BRAP: variants seen among roughly 807,000 people sequenced by gnomAD.
BRAP encodes BRCA1 associated protein.
In BRAP, 42 loss-of-function variants were observed where a neutral mutation model predicts 73.4. The observed-to-expected ratio is 0.57, with a 90% CI of 0.45 to 0.74. BRAP has a LOEUF of 0.74. BRAP is among the 30% of genes least tolerant of loss of function. The pLI, the probability that BRAP is intolerant of heterozygous loss-of-function variation, is 0.00. For missense variants in BRAP, 593 were observed against 751.4 expected (o/e 0.79, Z 2.46); for synonymous variants, 255 against 267.4 (o/e 0.95, Z 0.45).
At chr12:111,661,256 G>T (rs1886741611) in intron 6 of BRAP, among the ~76,000 whole-genome samples, 1 of 150,554 alleles carries the variant, frequency 6.6e-6, no homozygotes, top group African/African-American at 2.4e-5. Flanking sequence ...TGGATTACAG[G>T]TGTGAGCCAC....
rs184846369 is a variant in BRAP, at chr12:111,659,146, G to A, written c.1111+61C>T. The A allele has an allele frequency of 1.6e-4, 257 of 1,559,190 alleles. 1 individual carries two copies. In the East Asian group the frequency reaches 4.8e-3, roughly 29 times the overall value. ...TCAAGCTGGGAGGGAAAGTGAAGGC[G>A]TTGTGAAGGCAAAGTTTCCACACAG... On this transcript the variant is annotated intron_variant, in intron 8 of 11. Coordinates refer to ENST00000419234, the MANE Select transcript of BRAP (RefSeq NM_006768.5).
At position 111,645,258 on chromosome 12, in the gene BRAP, G is replaced by A. The variant is rs182411218; in HGVS notation, c.1416-696C>T. On this transcript the variant is annotated intron_variant, in intron 11 of 11. Coordinates refer to ENST00000419234, the MANE Select transcript of BRAP (RefSeq NM_006768.5). ...TAATTTTTGCATTTTTAGTAGCGAC[G>A]GGGTTTCACCATCTTGGCCAGGCTG... Among the ~76,000 whole-genome samples, 414 of 151,274 alleles carry A rather than the reference G, an allele frequency of 2.7e-3. 1 individual carries two copies. The highest frequency in any genetic ancestry group is 8.2e-3 in the African/African-American group (337 of 41,188).
intron 1 of BRAP, chr12:111,685,502 G>C (rs1188122239): frequency 5.8e-6 from 7 of 1,211,594 alleles, no homozygotes; most frequent in Non-Finnish European, 7.5e-6. Flanking sequence ...ACGGCACAGG[G>C]AGGGAGGTTC....
At chr12:111,645,847 A>G (rs1197188474) in intron 11 of BRAP, among the ~76,000 whole-genome samples, 1 of 152,102 alleles carries the variant, frequency 6.6e-6, no homozygotes. Flanking sequence ...AAACTTAGCC[A>G]GGTGCAGTGG....
At position 111,650,962 on chromosome 12, in the gene BRAP, T is replaced by G. The variant is rs78077855; in HGVS notation, c.1312-920A>C. Among the ~76,000 whole-genome samples, 141 of 152,268 alleles carry G rather than the reference T, an allele frequency of 9.3e-4. 2 individuals are homozygous for G. The highest frequency in any genetic ancestry group is 3.3e-3 in the African/African-American group (136 of 41,554). ...GCAGCCATCCCAGCCCAGAGTATGT[T>G]GGAGTCTGGCTAGGTAGATACTGGA... On this transcript the variant is annotated intron_variant, in intron 10 of 11. Coordinates refer to ENST00000419234, the MANE Select transcript of BRAP (RefSeq NM_006768.5).
At position 111,681,805 on chromosome 12, in the gene BRAP, T is replaced by C. The variant is rs1887611398; in HGVS notation, c.275A>G (p.Lys92Arg). ...CGCAGTGGGGGAGGCTTCTGAAGAC[T>C]TCCTTTCTTCCACTGTAGTTTTTAG... ...DELKTTVEER[K>R]SSEASPTAQR... The change falls in exon 3 of 12, where the codon AAG becomes AGG. Residue 92 changes from lysine (K) to arginine (R), a missense_variant. Transcript: ENST00000419234. The C allele has an allele frequency of 1.2e-6, 2 of 1,611,554 alleles. No individual in the cohort carries two copies.
chr12:111,648,734 G>A (rs1317577160), intron 11 of BRAP, among the ~76,000 whole-genome samples: 1 of 152,010 alleles, frequency 6.6e-6, no homozygotes, highest in Admixed American at 6.6e-5. Flanking sequence ...GAGACCATCT[G>A]GCTAACACGG....
rs1291259256 is a variant in BRAP, at chr12:111,665,761, C to T, written c.774G>A (p.Leu258=). The T allele has an allele frequency of 1.2e-6, 2 of 1,614,258 alleles. No homozygotes were observed. Among genetic ancestry groups the T allele is most frequent in the Non-Finnish European group, 1.7e-6 (2 of 1,180,048 alleles). The change falls in exon 6 of 12, where the codon CTG becomes CTA. Residue 258 remains leucine, a synonymous_variant. Coordinates refer to ENST00000419234, the MANE Select transcript of BRAP (RefSeq NM_006768.5). This position sits in a 1 kb window ranked among gnomAD's most constrained non-coding sequence, Gnocchi z 4.3. ...ACACCGTGCACTTGGGGAGTTCAGT[C>T]AGGTCCATCACTGGGAGGCTGGCGC... ...EDGASLPVMD[L]TELPKCTVCL...
chr12:111,647,757 TGGTG>T (rs1886161889), intron 11 of BRAP, among the ~76,000 whole-genome samples: 2 of 152,028 alleles, frequency 1.3e-5, no homozygotes, highest in Non-Finnish European at 2.9e-5. Context: ...TAGCCACGCA[TGGTG>T]GTGCATGCCT....
At chr12:111,650,089 G>T in intron 10 of BRAP, 47 bp from the exon 11 acceptor site, 1 of 1,380,566 alleles carries the variant, frequency 7.2e-7, no homozygotes. Flanking sequence ...AGGTAATGTG[G>T]TGTGCTCTTT....
At chr12:111,676,046 T>A (rs11065999) in intron 4 of BRAP, among the ~76,000 whole-genome samples, 11,833 of 151,910 alleles carry the variant, frequency 0.078, 1,602 homozygotes, top group East Asian at 0.62. Flanking sequence ...TTTGATCTTT[T>A]AAAAAAAATT....
intron 7 of BRAP, 77 bp downstream of exon 7, chr12:111,660,523 T>G (rs1886706251): frequency 8.0e-7 from 1 of 1,248,998 alleles, no homozygotes; most frequent in South Asian, 1.6e-5. Context: ...ATAAAGAACT[T>G]AAGTCATACC....
At chr12:111,673,795 G>A (rs1887268456) in intron 4 of BRAP, among the ~76,000 whole-genome samples, 1 of 152,090 alleles carries the variant, frequency 6.6e-6, no homozygotes, top group Admixed American at 6.6e-5. Context: ...TTAGAAAATG[G>A]GTGAAATGTG....
intron 9 of BRAP, among the ~76,000 whole-genome samples, chr12:111,657,428 T>C (rs1886576446): frequency 6.6e-6 from 1 of 152,240 alleles, no homozygotes; most frequent in Admixed American, 6.5e-5. Context: ...GTTTGATCTT[T>C]ATTAATACAA....
At chr12:111,659,844 C>T (rs1886677255) in intron 7 of BRAP, among the ~76,000 whole-genome samples, 1 of 151,876 alleles carries the variant, frequency 6.6e-6, no homozygotes, top group South Asian at 2.1e-4. Context: ...TAGCAAGACC[C>T]CAACTCTACA....
At chr12:111,653,030 AT>A (rs148476494) in intron 10 of BRAP, among the ~76,000 whole-genome samples, 13 of 151,130 alleles carry the variant, frequency 8.6e-5, no homozygotes, top group Non-Finnish European at 1.6e-4. Context: ...TCTGAATAAA[AT>A]TTTTTTTTTA....
At chr12:111,671,551 A>G (rs1485626709) in intron 5 of BRAP, among the ~76,000 whole-genome samples, 1 of 146,958 alleles carries the variant, frequency 6.8e-6, no homozygotes, top group Non-Finnish European at 1.5e-5. Context: ...CTCTGTCTCC[A>G]AAACAAAACA....
chr12:111,647,692 T>C lies in BRAP; in HGVS notation c.1415+2247A>G, dbSNP rs11065992. On this transcript the variant is annotated intron_variant, in intron 11 of 11. Transcript: ENST00000419234. ...AGGCGGATCACCTGAGGTCGGGAGT[T>C]TGAGACCAGACTGACCAACATGGAG... Among the ~76,000 whole-genome samples the C allele has an allele frequency of 0.018, 2,787 of 152,034 alleles. 524 individuals carry two copies. The East Asian group carries it at 0.44, about 24-fold the overall frequency.
chr12:111,681,108 G>A (rs1457003418), intron 3 of BRAP, among the ~76,000 whole-genome samples: 2 of 152,082 alleles, frequency 1.3e-5, no homozygotes, highest in Admixed American at 1.3e-4. Flanking sequence ...AGTGGCTCAC[G>A]CCTGTAATCC....
Sources: gnomAD v4.1 joint callset for allele counts (sites outside exome capture counted in the v4.1 genomes callset) on GRCh38, gnomAD v4.1.1 for gene constraint, Gnocchi (gnomAD v3.1) non-coding constraint, MANE v1.5 for transcripts, NCBI Gene and HGNC (gene_info 2026-07-23, HGNC 2026-07-21) for gene names.